TACC2: variants seen among roughly 807,000 people sequenced by gnomAD.
TACC2 encodes the protein transforming acidic coiled-coil containing protein 2, also known as transforming acidic coiled-coil-containing protein 2.
In TACC2, 137 loss-of-function variants were observed where a neutral mutation model predicts 227.3. That is an observed-to-expected ratio of 0.60 (90% CI 0.52 to 0.69). TACC2 has a LOEUF of 0.69. Among genes scored for constraint, TACC2 ranks in the 30% least tolerant of loss-of-function variants. The pLI is 0.00. For synonymous variants in TACC2, 1,523 were observed against 1,487.5 expected (o/e 1.02, Z -0.55); for missense variants, 3,470 against 3,694.4 (o/e 0.94, Z 1.57).
chr10:122,198,670 T>TAAGGGGACTCTGGTGTC (rs2094666481), intron 8 of TACC2, among the ~76,000 whole-genome samples: 1 of 152,332 alleles, frequency 6.6e-6, no homozygotes, highest in Non-Finnish European at 1.5e-5. Flanking sequence ...CTCACAGCGA[T>TAAGGGGACTCTGGTGTC]AAGGGGACTC....
chr10:122,163,266 C>T (rs761556221), intron 7 of TACC2, among the ~76,000 whole-genome samples: 1 of 152,066 alleles, frequency 6.6e-6, no homozygotes. Context: ...TCCCCTTAGT[C>T]CTGGGCCGGG....
chr10:122,249,316 A>G (rs932699393), intron 21 of TACC2, among the ~76,000 whole-genome samples, 160 bp downstream of exon 21: 3 of 152,210 alleles, frequency 2.0e-5, no homozygotes, highest in Non-Finnish European at 4.4e-5. Flanking sequence ...CACAGTTAGC[A>G]TCATTTAATC....
chr10:122,034,039 T>C (rs2459066), intron 2 of TACC2, among the ~76,000 whole-genome samples: 102,724 of 151,356 alleles, frequency 0.68, 35,068 homozygotes, highest in Middle Eastern at 0.74. Context: ...GTAATCCCAG[T>C]TACTCAGGAG....
At chr10:122,203,630 C>T (rs1482427964) in intron 8 of TACC2, among the ~76,000 whole-genome samples, 48 of 151,846 alleles carry the variant, frequency 3.2e-4, no homozygotes, top group Admixed American at 2.9e-3. Context: ...CCTCACTTCC[C>T]AGATGGGATG....
intron 5 of TACC2, 142 bp downstream of exon 5, chr10:122,088,733 G>C: frequency 6.5e-7 from 1 of 1,541,150 alleles, no homozygotes; most frequent in East Asian, 2.4e-5. Context: ...CCCGTTTTAT[G>C]TACAGGTACA....
At position 122,073,841 on chromosome 10, in the gene TACC2, G is replaced by A. The variant is rs549121590; in HGVS notation, c.147-8806G>A. Among the ~76,000 whole-genome samples the A allele has an allele frequency of 2.0e-4, 30 of 152,118 alleles. No individual in the cohort carries two copies. The South Asian group carries it at 5.2e-3, about 26-fold the overall frequency. On this transcript the variant is annotated intron_variant, in intron 3 of 22. Transcript: ENST00000369005. ...GTCAGCCAGGCTGGACTGCAGTGGC[G>A]CAATCTCGGCTTACTGCAAACTCCG...
At chr10:122,199,686 G>A (rs1471668330) in intron 8 of TACC2, among the ~76,000 whole-genome samples, 1 of 152,184 alleles carries the variant, frequency 6.6e-6, no homozygotes, top group African/African-American at 2.4e-5. Context: ...ACAGCACACT[G>A]TCTTAGGTCT....
At chr10:122,108,396 CTCTCTA>C (rs2083152556) in intron 5 of TACC2, among the ~76,000 whole-genome samples, 1 of 148,858 alleles carries the variant, frequency 6.7e-6, no homozygotes, top group Non-Finnish European at 1.5e-5. Context: ...CTTTCTCTCT[CTCTCTA>C]TGTGTGTGTG....
intron 2 of TACC2, among the ~76,000 whole-genome samples, chr10:122,028,082 TTC>T (rs1277930753): frequency 1.7e-5 from 2 of 117,164 alleles, no homozygotes; most frequent in African/African-American, 7.7e-5. Flanking sequence ...CTTTCTTTCT[TTC>T]TTTTTTTTTT....
At chr10:122,031,182 G>T (rs576668650) in intron 2 of TACC2, among the ~76,000 whole-genome samples, 11 of 152,106 alleles carry the variant, frequency 7.2e-5, no homozygotes, top group Non-Finnish European at 1.3e-4. Flanking sequence ...AGGGATCATT[G>T]GCTTATAGAA....
chr10:122,084,946 G>T lies in TACC2; in HGVS notation c.2446G>T (p.Gly816Ter). The change falls in exon 4 of 23, where the codon GGA becomes TGA. Residue 816 changes from glycine (G) to a stop codon, truncating the protein, a stop_gained. Coordinates refer to ENST00000369005, the MANE Select transcript of TACC2 (RefSeq NM_206862.4). LOFTEE classifies it high-confidence loss of function. ...PSCPGEGWIRGAASEWPLLSS... is the reference protein window; with the variant it reads ...PSCPGEGWIR Reference sequence around the variant, plus strand: ...CTGCCCAGGGGAAGGCTGGATAAGAGGAGCTGCATCCGAGTGGCCCCTACT... The same window carrying T: ...CTGCCCAGGGGAAGGCTGGATAAGATGAGCTGCATCCGAGTGGCCCCTACT... 6.2e-7 allele frequency: 1 copy of T among 1,614,176 alleles called. No homozygotes were observed.
intron 7 of TACC2, among the ~76,000 whole-genome samples, chr10:122,175,873 C>A (rs2093670885): frequency 6.6e-6 from 1 of 152,152 alleles, no homozygotes; most frequent in African/African-American, 2.4e-5. Context: ...TAGAGACCAG[C>A]CTGTGCAACA....
intron 19 of TACC2, among the ~76,000 whole-genome samples, chr10:122,244,821 C>T (rs892995506): frequency 1.3e-5 from 2 of 152,138 alleles, no homozygotes; most frequent in African/African-American, 4.8e-5. Flanking sequence ...TTCACAGATG[C>T]TCCACACCAG....
intron 3 of TACC2, among the ~76,000 whole-genome samples, chr10:122,082,068 C>A (rs933220061): frequency 3.7e-5 from 5 of 136,654 alleles, no homozygotes; most frequent in Non-Finnish European, 8.0e-5. Context: ...ATAATTCCAG[C>A]ACTTTGGGAG....
rs748251065 is a variant in TACC2, at chr10:122,082,723, C to G, written c.223C>G (p.Pro75Ala). ...CAGCCTGGATCCATGCCTTGTGTCCCCAGAGGTGACTGAGCCAAGGAAGGA... is the reference window on the plus strand; with the variant it reads ...CAGCCTGGATCCATGCCTTGTGTCCGCAGAGGTGACTGAGCCAAGGAAGGA... ...SASLDPCLVS[P>A]EVTEPRKDPQ... The change falls in exon 4 of 23, where the codon CCA becomes GCA. Residue 75 changes from proline (P) to alanine (A), a missense_variant. Physicochemically the swap from Pro to Ala is conservative, Grantham distance 27. Around this residue, in one of 10 missense-constraint regions of TACC2, gnomAD observed 405 missense variants for 389.6 expected, o/e 1.04. Transcript: ENST00000369005. 48 of 1,613,956 alleles carry G rather than the reference C, an allele frequency of 3.0e-5. No individual in the cohort carries two copies. In the Admixed American group the frequency reaches 4.0e-4, roughly 13 times the overall value.
chr10:122,021,265 T>C (rs1450866976), intron 1 of TACC2, among the ~76,000 whole-genome samples: 2 of 151,318 alleles, frequency 1.3e-5, no homozygotes, highest in Non-Finnish European at 2.9e-5. Flanking sequence ...AGATCATTAA[T>C]AAACCATGTC....
At chr10:122,031,552 C>G (rs1958968454) in intron 2 of TACC2, among the ~76,000 whole-genome samples, 1 of 147,136 alleles carries the variant, frequency 6.8e-6, no homozygotes, top group Non-Finnish European at 1.5e-5. Context: ...CTATAGGCGC[C>G]CACCACTGCG....
intron 5 of TACC2, chr10:122,113,271 A>T (rs2083976224): frequency 6.6e-6 from 1 of 152,266 alleles, no homozygotes; most frequent in African/African-American, 2.4e-5. Flanking sequence ...CCGGGGTCAG[A>T]AGATGGGCGC....
chr10:122,125,684 G>A (rs10887088), intron 5 of TACC2, among the ~76,000 whole-genome samples: 92,750 of 151,978 alleles, frequency 0.61, 32,710 homozygotes, highest in Non-Finnish European at 0.77. Flanking sequence ...ATTGGTGCCT[G>A]CCAGGTTTAT....
Sources: allele counts gnomAD v4.1 joint callset (sites outside exome capture counted in the v4.1 genomes callset), GRCh38; gene constraint gnomAD v4.1.1; regional missense constraint gnomAD v4.1.1; transcripts MANE v1.5; gene names NCBI Gene and HGNC (gene_info 2026-07-23, HGNC 2026-07-21).